The following EPB41L4A variants were observed in gnomAD, a reference collection of about 807,000 sequenced individuals.
EPB41L4A encodes band 4.1-like protein 4A.
Under a neutral mutation model 108.6 loss-of-function variants are expected in EPB41L4A, and 100 were observed. The observed-to-expected ratio is 0.92, with a 90% CI of 0.78 to 1.09. The LOEUF is 1.09. Ranked by LOEUF, EPB41L4A falls within the 50% of genes least tolerant of loss-of-function variation. EPB41L4A has a pLI of 0.00. For missense variants in EPB41L4A, 1,030 were observed against 842.7 expected (o/e 1.22, Z -2.75); for synonymous variants, 319 against 289.0 (o/e 1.10, Z -1.05).
At chr5:112,155,780 G>C (rs1759624844) in intron 12 of EPB41L4A, among the ~76,000 whole-genome samples, 1 of 152,188 alleles carries the variant, frequency 6.6e-6, no homozygotes, top group African/African-American at 2.4e-5. Context: ...ATTTAATATA[G>C]GTTTACCATA....
intron 1 of EPB41L4A, among the ~76,000 whole-genome samples, chr5:112,347,292 T>C (rs1029596177): frequency 1.3e-5 from 2 of 152,222 alleles, no homozygotes; most frequent in African/African-American, 4.8e-5. Context: ...TTTCACTGTG[T>C]TGACATTTGC....
chr5:112,214,581 G>A (rs1385784562), intron 12 of EPB41L4A, among the ~76,000 whole-genome samples: 1 of 152,108 alleles, frequency 6.6e-6, no homozygotes, highest in Non-Finnish European at 1.5e-5. Context: ...GGCTAAAGCA[G>A]TGAAACCCCA....
intron 2 of EPB41L4A, among the ~76,000 whole-genome samples, chr5:112,304,879 T>G (rs1754588135): frequency 6.6e-6 from 1 of 152,174 alleles, no homozygotes; most frequent in South Asian, 2.1e-4. Flanking sequence ...GATTTCACCA[T>G]TTTTTAGGAG....
chr5:112,349,957 G>C (rs17271934), intron 1 of EPB41L4A, among the ~76,000 whole-genome samples: 18 of 152,220 alleles, frequency 1.2e-4, no homozygotes, highest in African/African-American at 4.1e-4. Context: ...AAAGATCATA[G>C]GGGCGAAGAC....
At chr5:112,336,825 G>T (rs979169315) in intron 1 of EPB41L4A, among the ~76,000 whole-genome samples, 16 of 152,122 alleles carry the variant, frequency 1.1e-4, no homozygotes, top group Non-Finnish European at 4.4e-5. Flanking sequence ...AGGTATTTGG[G>T]GTCAATTACA....
intron 12 of EPB41L4A, among the ~76,000 whole-genome samples, chr5:112,216,899 C>T (rs1194097675): frequency 6.6e-6 from 1 of 152,118 alleles, no homozygotes; most frequent in African/African-American, 2.4e-5. Context: ...ATAAAACATT[C>T]TTTTTCTATA....
chr5:112,279,243 C>T (rs189765704), intron 3 of EPB41L4A, among the ~76,000 whole-genome samples: 217 of 152,128 alleles, frequency 1.4e-3, no homozygotes, highest in Non-Finnish European at 1.7e-3. Flanking sequence ...ACAGGACTTT[C>T]GGATGGCTTT....
intron 22 of EPB41L4A, among the ~76,000 whole-genome samples, chr5:112,168,511 C>G (rs1660392130): frequency 6.6e-6 from 1 of 152,134 alleles, no homozygotes; most frequent in Non-Finnish European, 1.5e-5. Flanking sequence ...CAGCTGTGCC[C>G]CACTACCTCT....
rs928989469 is a variant in EPB41L4A at position 112,408,543 on chromosome 5, A to C, written c.99+10398T>G. Among the ~76,000 whole-genome samples, 31 of 151,942 alleles carry C rather than the reference A, an allele frequency of 2.0e-4. 1 individual carries two copies. The highest frequency in any genetic ancestry group is 7.3e-4 in the African/African-American group (30 of 41,372). On this transcript the variant is annotated intron_variant, in intron 1 of 22. Transcript: ENST00000261486. The stretch of plus-strand genomic sequence containing the variant: ...AAACTGGCAAACAATGTAAACAGAC[A>C]CTTCTCCAAAAAAGATATACAAATG...
intron 2 of EPB41L4A, among the ~76,000 whole-genome samples, chr5:112,304,217 C>T (rs755134201): frequency 6.6e-6 from 1 of 152,154 alleles, no homozygotes; most frequent in Non-Finnish European, 1.5e-5. Flanking sequence ...GGGCAGCAGA[C>T]CCAGGACCTA....
chr5:112,239,760 TCAGA>T (rs774333864), intron 10 of EPB41L4A, 23 bp from the exon 11 acceptor site: 4 of 1,559,990 alleles, frequency 2.6e-6, no homozygotes, highest in Non-Finnish European at 3.5e-6. Flanking sequence ...TAAAAGAAAA[TCAGA>T]CAAAGACTCA....
intron 17 of EPB41L4A, 32 bp downstream of exon 17, chr5:112,194,536 A>T: frequency 7.7e-7 from 1 of 1,297,140 alleles, no homozygotes; most frequent in Non-Finnish European, 1.1e-6. Context: ...CTGATTTCAG[A>T]GTGCCAGTTA....
chr5:112,409,305 G>T (rs1417535547), intron 1 of EPB41L4A, among the ~76,000 whole-genome samples: 5 of 152,152 alleles, frequency 3.3e-5, no homozygotes, highest in African/African-American at 1.2e-4. Flanking sequence ...AGAAAGATTA[G>T]TGGTTACACA....
intron 1 of EPB41L4A, 101 bp from the exon 2 acceptor site, chr5:112,307,591 A>T: frequency 1.4e-6 from 1 of 710,898 alleles, no homozygotes; most frequent in Non-Finnish European, 2.4e-6. Context: ...TCACAATAGC[A>T]GCAATTGTAT....
intron 11 of EPB41L4A, among the ~76,000 whole-genome samples, chr5:112,237,233 TAAC>T (rs771962785): frequency 6.6e-6 from 1 of 152,220 alleles, no homozygotes; most frequent in South Asian, 2.1e-4. Flanking sequence ...AAAACAACAG[TAAC>T]AACAACAACA....
At chr5:112,416,732 A>G (rs953892618) in intron 1 of EPB41L4A, among the ~76,000 whole-genome samples, 4 of 152,222 alleles carry the variant, frequency 2.6e-5, no homozygotes, top group African/African-American at 9.6e-5. Context: ...AATTGTACCT[A>G]TGCACCATAA....
intron 1 of EPB41L4A, among the ~76,000 whole-genome samples, chr5:112,352,075 T>A (rs1207072142): frequency 6.6e-6 from 1 of 152,002 alleles, no homozygotes; most frequent in East Asian, 1.9e-4. Flanking sequence ...GCTATCTTTT[T>A]AAAAAAAACA....
chr5:112,315,421 A>T (rs928502263), intron 1 of EPB41L4A, among the ~76,000 whole-genome samples: 5 of 152,220 alleles, frequency 3.3e-5, no homozygotes, highest in Non-Finnish European at 7.3e-5. Context: ...AAGTTCACTG[A>T]ATTAATACCA....
chr5:112,214,909 G>C (rs1747507210), intron 12 of EPB41L4A, among the ~76,000 whole-genome samples: 1 of 152,082 alleles, frequency 6.6e-6, no homozygotes, highest in Non-Finnish European at 1.5e-5. Flanking sequence ...AGATTATTCT[G>C]TGTTTCATTT....
Sources: gnomAD v4.1 joint callset for allele counts (sites outside exome capture counted in the v4.1 genomes callset) on GRCh38, gnomAD v4.1.1 for gene constraint, MANE v1.5 for transcripts, NCBI Gene and HGNC (gene_info 2026-07-23, HGNC 2026-07-21) for gene names.